SYNE1: variants seen among roughly 807,000 people sequenced by gnomAD.
SYNE1 encodes nesprin-1.
SYNE1 carries 616 observed loss-of-function variants against 1,111.0 expected under a neutral mutation model. That is an observed-to-expected ratio of 0.55 (90% CI 0.52 to 0.59). The LOEUF (loss-of-function observed/expected upper bound fraction) is 0.59. Among genes scored for constraint, SYNE1 ranks in the 20% least tolerant of loss-of-function variants. SYNE1 has a pLI of 0.00. For missense variants in SYNE1, 10,006 were observed against 10,417.0 expected, an observed-to-expected ratio of 0.96 and a Z score of 1.72; for synonymous variants, 3,855 against 3,825.8, an observed-to-expected ratio of 1.01 and a Z score of -0.28.
chr6:152,421,674 T>TATTC (rs2098262676), intron 39 of SYNE1, among the ~76,000 whole-genome samples: 5 of 76,428 alleles, frequency 6.5e-5, no homozygotes, highest in South Asian at 7.2e-4. Context: ...TTCCTTATTT[T>TATTC]ATTTATTTAT....
chr6:152,429,646 C>T (rs1018251135), intron 36 of SYNE1, among the ~76,000 whole-genome samples: 1 of 152,222 alleles, frequency 6.6e-6, no homozygotes, highest in Admixed American at 6.5e-5. Flanking sequence ...TCTGCCAGAG[C>T]CATCTGTCTG....
At chr6:152,407,983 G>A (rs1019693076) in intron 44 of SYNE1, among the ~76,000 whole-genome samples, 9 of 151,722 alleles carry the variant, frequency 5.9e-5, no homozygotes, top group South Asian at 2.1e-4. Flanking sequence ...GGCTGGTCTC[G>A]AACTCCTGAC....
rs760533130 is a variant in SYNE1 at position 152,446,797 on chromosome 6, G to C, written c.3669+661C>G. On this transcript the variant is annotated intron_variant, in intron 29 of 145. Coordinates refer to ENST00000367255, the MANE Select transcript of SYNE1 (RefSeq NM_182961.4). ...GCCCTACTGGAAATGAAGTAGATGC[G>C]TTTGTATATTTTAATCTATAAAGGA... 2.6e-5 allele frequency among the ~76,000 whole-genome samples: 4 copies of C among 152,186 alleles called. No homozygotes were observed. The East Asian group carries it at 7.7e-4, about 29-fold the overall frequency.
chr6:152,511,255 AACAAGC>A, intron 6 of SYNE1, 152 bp from the exon 7 acceptor site: 1 of 729,438 alleles, frequency 1.4e-6, no homozygotes, highest in Non-Finnish European at 2.3e-6. Flanking sequence ...CACCGAAACA[AACAAGC>A]ACAAGGTTTC....
chr6:152,358,170 ACCT>A lies in SYNE1; in HGVS notation c.10608+200_10608+202del, dbSNP rs780315371. On this transcript the variant is annotated intron_variant, in intron 66 of 145. Transcript: ENST00000367255. ...ATCCCCCAAGTGCTAGTCCTGTCCTACCTAAATTGCCTACAAAATGATGTCAAC... is the reference window on the plus strand; with the variant it reads ...ATCCCCCAAGTGCTAGTCCTGTCCTAAAATTGCCTACAAAATGATGTCAAC... 7.9e-5 allele frequency among the ~76,000 whole-genome samples: 12 copies of A among 152,322 alleles called. No individual in the cohort carries two copies. In the East Asian group the frequency reaches 2.1e-3, roughly 27 times the overall value.
intron 137 of SYNE1, chr6:152,145,749 G>T: frequency 1.6e-6 from 1 of 614,138 alleles, no homozygotes. Flanking sequence ...AGTGGGTGGG[G>T]CATGGTGGCT....
intron 54 of SYNE1, among the ~76,000 whole-genome samples, chr6:152,386,725 A>G (rs1392723202): frequency 6.6e-6 from 1 of 152,218 alleles, no homozygotes; most frequent in African/African-American, 2.4e-5. Flanking sequence ...TGCATTTAAT[A>G]TAACAAATAT....
At chr6:152,165,529 ACC>A (rs2063475490) in intron 130 of SYNE1, among the ~76,000 whole-genome samples, 1 of 152,044 alleles carries the variant, frequency 6.6e-6, no homozygotes, top group Non-Finnish European at 1.5e-5. Flanking sequence ...GTTTGTAAAA[ACC>A]CTCAGGAACA....
rs190691927 is a variant in SYNE1, at chr6:152,537,403, A to T, written c.129+2557T>A. ...CAGAAAATCCTTAGGTTTTTTTCTT[A>T]CTTATAATAAGATTTTTGTTTTAAG... On this transcript the variant is annotated intron_variant, in intron 4 of 145. Coordinates refer to ENST00000367255, the MANE Select transcript of SYNE1 (RefSeq NM_182961.4). Among the ~76,000 whole-genome samples the T allele has an allele frequency of 6.9e-4, 105 of 152,128 alleles. 1 individual carries two copies. The highest frequency in any genetic ancestry group is 2.7e-3 in the South Asian group (13 of 4,822).
chr6:152,396,703 T>C (rs974439199), intron 50 of SYNE1, 72 bp downstream of exon 50: 94 of 1,340,506 alleles, frequency 7.0e-5, no homozygotes, highest in Middle Eastern at 1.8e-4. Flanking sequence ...TTTATTCACA[T>C]GACTCTTTTC....
intron 14 of SYNE1, among the ~76,000 whole-genome samples, chr6:152,475,172 G>T (rs1173589771): frequency 1.3e-5 from 2 of 152,100 alleles, no homozygotes; most frequent in Admixed American, 1.3e-4. Flanking sequence ...AATACTAAGA[G>T]AAATCTGATA....
chr6:152,544,411 C>T (rs1312866834), intron 3 of SYNE1, among the ~76,000 whole-genome samples: 3 of 152,138 alleles, frequency 2.0e-5, no homozygotes, highest in African/African-American at 7.2e-5. Context: ...GTCCTTCATC[C>T]TTGAGGCTCA....
intron 3 of SYNE1, among the ~76,000 whole-genome samples, chr6:152,615,651 A>T (rs1331223317): frequency 6.6e-6 from 1 of 152,212 alleles, no homozygotes; most frequent in East Asian, 1.9e-4. Flanking sequence ...TTCCAGTCTG[A>T]TTAAAACATC....
Position 152,350,262 on chromosome 6 carries a change from T to C in SYNE1, c.11807A>G (p.Lys3936Arg), listed in dbSNP as rs769001773. 1.1e-5 allele frequency: 17 copies of C among 1,614,080 alleles called. No individual in the cohort carries two copies. The highest frequency in any genetic ancestry group is 1.7e-5 in the Admixed American group (1 of 60,002). The change falls in exon 72 of 146, where the codon AAG (lysine) becomes AGG (arginine). Residue 3936 changes from lysine to arginine, a missense_variant. Lys to Arg is a conservative substitution (Grantham distance 26). Coordinates refer to ENST00000367255, the MANE Select transcript of SYNE1 (RefSeq NM_182961.4). Reference protein sequence around the residue: ...DYNSELQEVEKWLLQMSGRLV... With the variant: ...DYNSELQEVERWLLQMSGRLV... Reference sequence around the variant, plus strand: ...TCTGCCAGACATCTGCAGCAGCCACTTTTCGACCTCTTGGAGCTCACTGTT... The same window carrying C: ...TCTGCCAGACATCTGCAGCAGCCACCTTTCGACCTCTTGGAGCTCACTGTT...
At chr6:152,297,833 G>A (rs2094962125) in intron 93 of SYNE1, among the ~76,000 whole-genome samples, 2 of 150,272 alleles carry the variant, frequency 1.3e-5, no homozygotes, top group East Asian at 2.0e-4. Flanking sequence ...GCGCGCGCAC[G>A]TGGCTCATGC....
At chr6:152,221,921 G>C (rs1588135024) in intron 117 of SYNE1, among the ~76,000 whole-genome samples, 1 of 152,248 alleles carries the variant, frequency 6.6e-6, no homozygotes, top group East Asian at 1.9e-4. Flanking sequence ...TGGTTCAGAG[G>C]CCTCACCTCC....
chr6:152,513,792 A>G (rs1241747355), intron 6 of SYNE1, among the ~76,000 whole-genome samples: 1 of 152,230 alleles, frequency 6.6e-6, no homozygotes, highest in African/African-American at 2.4e-5. Flanking sequence ...AGAAAAAAAC[A>G]AACAACTCCA....
At chr6:152,275,695 C>G (rs1349540805) in intron 98 of SYNE1, among the ~76,000 whole-genome samples, 1 of 151,454 alleles carries the variant, frequency 6.6e-6, no homozygotes, top group African/African-American at 2.4e-5. Context: ...GCCTGGGCAA[C>G]ATTGAGAGAC....
chr6:152,232,347 T>C lies in SYNE1; in HGVS notation c.20713-82A>G. The C allele has an allele frequency of 1.4e-6, 2 of 1,440,556 alleles. 1 individual carries two copies. Among genetic ancestry groups the C allele is most frequent in the Admixed American group, 3.4e-5 (2 of 59,232 alleles). The allele number at this position is 1,440,556 out of a possible 1,614,324, so 89.2% of individuals were successfully genotyped here. On this transcript the variant is annotated intron_variant, in intron 112 of 145. Transcript: ENST00000367255. Reference sequence around the variant, plus strand: ...TGCTAACTTAAAAACCCTACAATAATTCTTAAAAATGTACCAAGAGAGATA... The same window carrying C: ...TGCTAACTTAAAAACCCTACAATAACTCTTAAAAATGTACCAAGAGAGATA...
Sources: gnomAD v4.1 joint callset for allele counts (sites outside exome capture counted in the v4.1 genomes callset) on GRCh38, gnomAD v4.1.1 for gene constraint, MANE v1.5 for transcripts, NCBI Gene and HGNC (gene_info 2026-07-23, HGNC 2026-07-21) for gene names.